Variants in CA1 observed in about 807,000 individuals in gnomAD.
CA1 encodes carbonic anhydrase 1.
A neutral mutation model predicts 28.8 loss-of-function variants in CA1; 27 were observed. The observed-to-expected ratio is 0.94, with a 90% CI of 0.69 to 1.29. The LOEUF is 1.29. Ranked by LOEUF, CA1 falls within the 50% of genes most tolerant of loss-of-function variation. CA1 has a pLI of 0.00. For synonymous variants in CA1, 121 were observed against 108.8 expected (o/e 1.11, Z -0.70); for missense variants, 335 against 310.5 (o/e 1.08, Z -0.59).
At chr8:85,354,931 C>G (rs1487955815) in intron 1 of CA1, among the ~76,000 whole-genome samples, 1 of 152,194 alleles carries the variant, frequency 6.6e-6, no homozygotes, top group East Asian at 1.9e-4. Flanking sequence ...TGGAGCAACT[C>G]AGCTTTCTGG....
At chr8:85,349,272 A>G (rs1809317708) in intron 1 of CA1, among the ~76,000 whole-genome samples, 2 of 152,200 alleles carry the variant, frequency 1.3e-5, no homozygotes, top group Admixed American at 1.3e-4. Flanking sequence ...AGAAAAACAA[A>G]TATCAGTATT....
chr8:85,374,227 A>G (rs182659187), intron 1 of CA1, among the ~76,000 whole-genome samples: 8 of 152,264 alleles, frequency 5.3e-5, no homozygotes, highest in Non-Finnish European at 1.0e-4. Flanking sequence ...CTAAAAAACA[A>G]TATTTCATAT....
At chr8:85,330,251 C>T (rs1390711) in intron 6 of CA1, among the ~76,000 whole-genome samples, 115,860 of 152,040 alleles carry the variant, frequency 0.76, 45,282 homozygotes, top group African/African-American at 0.92. Flanking sequence ...TTGGTTGTTT[C>T]AGTTTTATTC....
chr8:85,366,823 T>C (rs906154066), intron 1 of CA1, among the ~76,000 whole-genome samples: 1 of 152,216 alleles, frequency 6.6e-6, no homozygotes, highest in East Asian at 1.9e-4. Flanking sequence ...ATTTTGCATA[T>C]AAAATTTTTT....
intron 4 of CA1, among the ~76,000 whole-genome samples, chr8:85,333,970 G>T (rs1808528611): frequency 6.6e-6 from 1 of 152,122 alleles, no homozygotes; most frequent in Non-Finnish European, 1.5e-5. Flanking sequence ...CTCACATGAG[G>T]TACTTTATAG....
chr8:85,353,955 C>T (rs1443266551), intron 1 of CA1, among the ~76,000 whole-genome samples: 3 of 151,666 alleles, frequency 2.0e-5, no homozygotes, highest in African/African-American at 7.3e-5. Flanking sequence ...AAAGGTAATA[C>T]ATACTTTTTT....
At position 85,338,376 on chromosome 8, in the gene CA1, A is replaced by G. The variant is rs1455776637; in HGVS notation, c.111T>C (p.Ser37=). The G allele has an allele frequency of 1.2e-6, 2 of 1,613,992 alleles. No homozygotes were observed. Among genetic ancestry groups the G allele is most frequent in the Admixed American group, 3.3e-5 (2 of 60,014 alleles). The part of the protein sequence containing the change: ...NNQSPVDIKT[S]ETKHDTSLKP... Reference sequence around the variant, plus strand: ...TCAGAGAGGTGTCATGTTTGGTTTCACTGGTTTTAATATCAACAGGGGACT... The same window carrying G: ...TCAGAGAGGTGTCATGTTTGGTTTCGCTGGTTTTAATATCAACAGGGGACT... The change falls in exon 3 of 8, where the codon AGT becomes AGC. Residue 37 remains serine, a synonymous_variant. Transcript: ENST00000523022.
intron 2 of CA1, among the ~76,000 whole-genome samples, chr8:85,339,416 C>T (rs1808822249): frequency 6.6e-6 from 1 of 152,178 alleles, no homozygotes; most frequent in Non-Finnish European, 1.5e-5. Flanking sequence ...TGAACTTAAT[C>T]TGTAAATGTT....
At chr8:85,372,033 T>C (rs140035467) in intron 1 of CA1, among the ~76,000 whole-genome samples, 279 of 152,278 alleles carry the variant, frequency 1.8e-3, no homozygotes, top group African/African-American at 6.5e-3. Flanking sequence ...TGAAAGGGAT[T>C]GCCACTTTTT....
intron 1 of CA1, among the ~76,000 whole-genome samples, chr8:85,367,749 T>G (rs1810064885): frequency 6.6e-6 from 1 of 152,154 alleles, no homozygotes; most frequent in Admixed American, 6.5e-5. Context: ...TTGTATACCC[T>G]TTGTCAGAAA....
intron 2 of CA1, among the ~76,000 whole-genome samples, chr8:85,340,121 A>G (rs1045766490): frequency 2.0e-5 from 3 of 152,234 alleles, no homozygotes; most frequent in African/African-American, 7.2e-5. Context: ...TTTTGGAAGG[A>G]GATAGCATCT....
At chr8:85,339,176 G>T (rs568401747) in intron 2 of CA1, among the ~76,000 whole-genome samples, 1 of 152,020 alleles carries the variant, frequency 6.6e-6, no homozygotes, top group Non-Finnish European at 1.5e-5. Flanking sequence ...ATTGTTCTTT[G>T]CAGATATTGC....
chr8:85,337,588 A>G (rs939933898), intron 3 of CA1, among the ~76,000 whole-genome samples: 2 of 152,170 alleles, frequency 1.3e-5, no homozygotes, highest in Non-Finnish European at 2.9e-5. Flanking sequence ...GGGCACTTAT[A>G]AAACTTTGTT....
At chr8:85,367,492 A>G (rs1481243156) in intron 1 of CA1, among the ~76,000 whole-genome samples, 1 of 152,250 alleles carries the variant, frequency 6.6e-6, no homozygotes, top group Non-Finnish European at 1.5e-5. Context: ...AAGCAAAGCT[A>G]GGGATAAGTT....
At chr8:85,367,236 A>G (rs1275060842) in intron 1 of CA1, among the ~76,000 whole-genome samples, 1 of 152,194 alleles carries the variant, frequency 6.6e-6, no homozygotes, top group Non-Finnish European at 1.5e-5. Context: ...CTACATGTCT[A>G]CTGGCATGTC....
chr8:85,332,669 C>A, intron 5 of CA1, 117 bp from the exon 6 acceptor site: 1 of 761,468 alleles, frequency 1.3e-6, no homozygotes, highest in Non-Finnish European at 2.3e-6. Flanking sequence ...TATTTTCTCT[C>A]TGCTTTAGAA....
chr8:85,355,748 A>G (rs1293416378), intron 1 of CA1, among the ~76,000 whole-genome samples: 1 of 151,930 alleles, frequency 6.6e-6, no homozygotes, highest in Admixed American at 6.6e-5. Context: ...TATTTTAAAA[A>G]AGTGATTAAG....
chr8:85,333,854 G>A (rs935203368), intron 4 of CA1, among the ~76,000 whole-genome samples: 1 of 152,122 alleles, frequency 6.6e-6, no homozygotes, highest in African/African-American at 2.4e-5. Flanking sequence ...CCTTTCCTAC[G>A]ATATTGTTAT....
chr8:85,354,968 A>C (rs1437838300), intron 1 of CA1, among the ~76,000 whole-genome samples: 1 of 152,092 alleles, frequency 6.6e-6, no homozygotes, highest in African/African-American at 2.4e-5. Flanking sequence ...TCCAATCTAG[A>C]CTGTGACGTT....
Sources: allele counts gnomAD v4.1 joint callset (sites outside exome capture counted in the v4.1 genomes callset), GRCh38; gene constraint gnomAD v4.1.1; transcripts MANE v1.5; gene names NCBI Gene and HGNC (gene_info 2026-07-23, HGNC 2026-07-21).